The following DUOX1 variants were observed in gnomAD, a reference collection of about 807,000 sequenced individuals.
The protein encoded by DUOX1 is NADPH thyroid oxidase 1.
A neutral mutation model predicts 181.8 loss-of-function variants in DUOX1; 134 were observed. That is an observed-to-expected ratio of 0.74 (90% CI 0.64 to 0.85). The LOEUF is 0.85. DUOX1 is among the 40% of genes least tolerant of loss of function. The probability of loss-of-function intolerance (pLI) is 0.00; values close to 1 mark genes in which losing one functional copy is unlikely to be tolerated. For missense variants in DUOX1, 1,814 were observed against 2,064.4 expected (o/e 0.88, Z 2.35); for synonymous variants, 798 against 832.5 (o/e 0.96, Z 0.71).
intron 16 of DUOX1, 128 bp from the exon 17 acceptor site, chr15:45,143,908 T>G: frequency 1.2e-6 from 1 of 845,278 alleles, no homozygotes; most frequent in South Asian, 1.6e-5. Context: ...GGAATGACTC[T>G]CAGTACCCCA....
At chr15:45,153,036 C>G in intron 25 of DUOX1, 1 of 304,330 alleles carries the variant, frequency 3.3e-6, no homozygotes, top group Non-Finnish European at 6.2e-6. Flanking sequence ...GCCTGGCCAA[C>G]ATGGTGAAAC....
intron 25 of DUOX1, 42 bp downstream of exon 25, chr15:45,152,558 GC>G: frequency 1.3e-6 from 2 of 1,542,902 alleles, no homozygotes; most frequent in South Asian, 1.1e-5. Context: ...AGGGCCTCCC[GC>G]CCCCGCTGAC....
At chr15:45,160,747 G>C (rs918847134) in intron 28 of DUOX1, 90 bp from the exon 29 acceptor site, 29 of 1,381,586 alleles carry the variant, frequency 2.1e-5, no homozygotes, top group Non-Finnish European at 2.6e-5. Flanking sequence ...ATATACCAGC[G>C]GGGAAGTATG....
rs774010172 is a variant in DUOX1 at position 45,147,900 on chromosome 15, C to T, written c.2549-4C>T. On this transcript the variant is annotated splice_polypyrimidine_tract_variant and splice_region_variant and intron_variant, in intron 19 of 33. Transcript: ENST00000389037. Reference sequence around the variant, plus strand: ...CTCTCCTTATGGAGTCCTCCCTCTCCCAGGCTCTCCTGAGGAAAAGTCTCG... The same window carrying T: ...CTCTCCTTATGGAGTCCTCCCTCTCTCAGGCTCTCCTGAGGAAAAGTCTCG... The T allele has an allele frequency of 2.5e-6, 4 of 1,613,602 alleles. No homozygotes were observed. The highest frequency in any genetic ancestry group is 2.2e-5 in the South Asian group (2 of 91,072).
Position 45,147,584 on chromosome 15 carries a change from C to G in DUOX1, c.2474C>G (p.Ser825Cys). 6.2e-7 allele frequency: 1 copy of G among 1,614,190 alleles called. No individual in the cohort carries two copies. Among genetic ancestry groups the G allele is most frequent in the Non-Finnish European group, 8.5e-7 (1 of 1,180,018 alleles). The change falls in exon 19 of 34, where the codon TCT (serine) becomes TGT (cysteine). Residue 825 changes from serine (S) to cysteine (C), a missense_variant. Coordinates refer to ENST00000389037, the MANE Select transcript of DUOX1 (RefSeq NM_175940.3). ...GACATGTTTGTGGAGTCCATGTTCTCTCTGGCTGACAAGGATGGCAATGGC... is the reference window on the plus strand; with the variant it reads ...GACATGTTTGTGGAGTCCATGTTCTGTCTGGCTGACAAGGATGGCAATGGC... ...PQDMFVESMF[S>C]LADKDGNGYL... is the part of the protein sequence containing the mutation.
rs1281797936 is a variant in DUOX1 at position 45,131,980 on chromosome 15, T to TG, written c.16dup (p.Ala6GlyfsTer28). The TG allele has an allele frequency of 6.2e-7, 1 of 1,614,048 alleles. No homozygotes were observed. The highest frequency in any genetic ancestry group is 8.5e-7 in the Non-Finnish European group (1 of 1,180,030). On this transcript the variant is annotated frameshift_variant, in exon 2 of 34. Transcript: ENST00000389037. LOFTEE classifies it high-confidence loss of function. ...ATTATTTTCATCATGGGCTTCTGCC[T>TG]GGCTCTAGCATGGACACTTCTGGTT...
At position 45,140,848 on chromosome 15, in the gene DUOX1, G is replaced by A. The variant is rs760807915; in HGVS notation, c.1390-47G>A. On this transcript the variant is annotated intron_variant, in intron 12 of 33. Transcript: ENST00000389037. ...CTGGGAGCCACCTCTTTGCCTTAGG[G>A]TGGGTGCCGTGTCCTTTCTCTTACT... The A allele has an allele frequency of 1.3e-5, 21 of 1,597,988 alleles. No homozygotes were observed. In the Admixed American group the frequency reaches 3.5e-4, roughly 27 times the overall value.
intron 27 of DUOX1, among the ~76,000 whole-genome samples, chr15:45,154,654 A>G (rs995873720): frequency 2.7e-5 from 4 of 146,968 alleles, no homozygotes; most frequent in Non-Finnish European, 5.9e-5. Context: ...GGTGCTTGCT[A>G]ATTCCTGCAC....
At chr15:45,152,645 T>C (rs1896847750) in intron 25 of DUOX1, 129 bp downstream of exon 25, 3 of 932,840 alleles carry the variant, frequency 3.2e-6, no homozygotes, top group Non-Finnish European at 4.9e-6. Context: ...GGAGTTGGCC[T>C]GGGCCAGGGT....
intron 27 of DUOX1, 22 bp downstream of exon 27, chr15:45,154,022 T>G (rs1896905040): frequency 6.2e-7 from 1 of 1,611,464 alleles, no homozygotes; most frequent in African/African-American, 1.3e-5. Context: ...CCTTGATCCA[T>G]GAATTTCTGG....
At chr15:45,136,447 T>A in intron 8 of DUOX1, 37 bp downstream of exon 8, 1 of 1,613,974 alleles carries the variant, frequency 6.2e-7, no homozygotes, top group Non-Finnish European at 8.5e-7. Context: ...AGGGCTTGCG[T>A]GTGTCTTGCG....
intron 28 of DUOX1, among the ~76,000 whole-genome samples, chr15:45,158,420 A>T (rs987237555): frequency 1.1e-4 from 17 of 152,130 alleles, no homozygotes; most frequent in African/African-American, 4.1e-4. Flanking sequence ...TTTAAAAGCT[A>T]TCTGTTGGCC....
chr15:45,142,812 A>G (rs1896542832), intron 15 of DUOX1, among the ~76,000 whole-genome samples: 1 of 91,118 alleles, frequency 1.1e-5, no homozygotes. Flanking sequence ...AGGGAGGAAG[A>G]GCAGGCTGGG....
chr15:45,141,411 G>A lies in DUOX1; in HGVS notation c.1684+1G>A, dbSNP rs1293315261. ...CCCAATGTCTTTGTCTGGCATAAAG[G>A]TGAGTGGCCAAGGGGTGGCTGGAGG... On this transcript the variant is annotated splice_donor_variant, in intron 14 of 33. Transcript: ENST00000389037. LOFTEE classifies it high-confidence loss of function. 3.1e-6 allele frequency: 5 copies of A among 1,614,210 alleles called. No homozygotes were observed. The highest frequency in any genetic ancestry group is 4.5e-5 in the East Asian group (2 of 44,890).
At chr15:45,139,745 A>G in intron 12 of DUOX1, 146 bp downstream of exon 12, 2 of 909,242 alleles carry the variant, frequency 2.2e-6, no homozygotes, top group East Asian at 2.7e-5. Flanking sequence ...TTTTCCCAAT[A>G]TTACATATCA....
intron 32 of DUOX1, 23 bp from the exon 33 acceptor site, chr15:45,163,767 T>C (rs200624374): frequency 1.2e-6 from 2 of 1,613,742 alleles, no homozygotes; most frequent in African/African-American, 2.7e-5. Context: ...GGCTGAACTT[T>C]GTTCCACCCT....
At chr15:45,135,082 C>G in intron 4 of DUOX1, 22 bp from the exon 5 acceptor site, 1 of 1,608,310 alleles carries the variant, frequency 6.2e-7, no homozygotes, top group Non-Finnish European at 8.5e-7. Context: ...TGCCCTAGCA[C>G]CCCCTCCTGC....
In DUOX1 at chr15:45,165,020, T is replaced by C; in HGVS notation, c.*119T>C. On this transcript the variant is annotated 3_prime_UTR_variant, in exon 34 of 34. Transcript: ENST00000389037. ...TTCTCTGATTTCCCACCTCCCAACC[T>C]TGTTCCAGGTGGCCATAGTCAGTCA... 8.4e-7 allele frequency: 1 copy of C among 1,191,242 alleles called. No homozygotes were observed. The highest frequency in any genetic ancestry group is 1.4e-5 in the South Asian group (1 of 71,248). 73.8% of individuals were successfully genotyped at this position (1,191,242 alleles called of 1,614,324 possible).
intron 25 of DUOX1, chr15:45,153,158 T>C (rs1217405619): frequency 4.3e-6 from 2 of 468,370 alleles, no homozygotes; most frequent in Non-Finnish European, 7.6e-6. Flanking sequence ...GAGGCAGAGG[T>C]TGCAGTGAGC....
Sources: allele counts gnomAD v4.1 joint callset (sites outside exome capture counted in the v4.1 genomes callset), GRCh38; gene constraint gnomAD v4.1.1; transcripts MANE v1.5; gene names NCBI Gene and HGNC (gene_info 2026-07-23, HGNC 2026-07-21).